The following SLC14A2 variants were observed in gnomAD, a reference collection of about 807,000 sequenced individuals.
SLC14A2 encodes the protein urea transporter 2.
SLC14A2 carries 91 observed loss-of-function variants against 104.6 expected under a neutral mutation model. The observed-to-expected ratio is 0.87, with a 90% CI of 0.73 to 1.04. The LOEUF (loss-of-function observed/expected upper bound fraction) is 1.04. Among genes scored for constraint, SLC14A2 ranks in the 50% least tolerant of loss-of-function variants. The pLI is 0.00. For missense variants in SLC14A2, 1,189 were observed against 1,156.0 expected (o/e 1.03, Z -0.41); for synonymous variants, 476 against 466.4 (o/e 1.02, Z -0.27).
At chr18:45,606,431 C>T (rs551124742) in intron 2 of SLC14A2, among the ~76,000 whole-genome samples, 50 of 152,198 alleles carry the variant, frequency 3.3e-4, no homozygotes, top group Non-Finnish European at 7.4e-5. Context: ...TCGGAAATTA[C>T]TCCTGGAACT....
intron 1 of SLC14A2, among the ~76,000 whole-genome samples, chr18:45,302,981 T>C (rs961071579): frequency 2.0e-5 from 3 of 151,998 alleles, no homozygotes; most frequent in African/African-American, 7.3e-5. Context: ...GCCAGGGTCT[T>C]AGGTTGTGGT....
intron 2 of SLC14A2, chr18:45,542,215 C>G (rs2043902748): frequency 4.6e-5 from 7 of 151,760 alleles, no homozygotes; most frequent in Admixed American, 4.6e-4. Flanking sequence ...GCTTCTAATT[C>G]TCAGAGGGCA....
At chr18:45,191,016 T>C in the SLC14A2 span, among the ~76,000 whole-genome samples, 1 of 152,178 alleles carries the variant, frequency 6.6e-6, no homozygotes, top group African/African-American at 2.4e-5. Flanking sequence ...ATATGCTTCT[T>C]GAGCTGAAGT....
At chr18:45,559,699 C>T (rs942066190) in intron 2 of SLC14A2, among the ~76,000 whole-genome samples, 2 of 152,172 alleles carry the variant, frequency 1.3e-5, no homozygotes. Flanking sequence ...TTGTTGTCAC[C>T]TTATTTTCTA....
intron 2 of SLC14A2, among the ~76,000 whole-genome samples, chr18:45,534,102 G>A (rs1269776001): frequency 2.0e-5 from 3 of 152,144 alleles, no homozygotes; most frequent in African/African-American, 4.8e-5. Context: ...TGGTAAAATC[G>A]TGATTTTGCT....
At chr18:45,310,032 C>T (rs147590096) in intron 1 of SLC14A2, among the ~76,000 whole-genome samples, 425 of 151,954 alleles carry the variant, frequency 2.8e-3, no homozygotes, top group Non-Finnish European at 4.9e-3. Context: ...CATATCGATG[C>T]GTAGGACCAT....
At chr18:45,376,474 A>C (rs1307921903) in intron 1 of SLC14A2, among the ~76,000 whole-genome samples, 1 of 152,200 alleles carries the variant, frequency 6.6e-6, no homozygotes, top group African/African-American at 2.4e-5. Flanking sequence ...GCTTGTGCTC[A>C]GATTCTGCTA....
At position 45,391,425 on chromosome 18, in the gene SLC14A2, C is replaced by A. The variant is rs1009871250; in HGVS notation, c.-124-91808C>A. The stretch of plus-strand genomic sequence containing the variant: ...CTTTAAAGCAGCATGATTTATAATC[C>A]TTTGGGTATATACCCAGTAATGGGA... On this transcript the variant is annotated intron_variant, in intron 1 of 20. Coordinates refer to the SLC14A2 transcript ENST00000586448. Among the ~76,000 whole-genome samples, 29 of 152,178 alleles carry A rather than the reference C, an allele frequency of 1.9e-4. 1 individual carries two copies. Among genetic ancestry groups the A allele is most frequent in the Non-Finnish European group, 1.0e-4 (7 of 68,040 alleles).
At chr18:45,253,351 C>A (rs931647101) in intron 1 of SLC14A2, among the ~76,000 whole-genome samples, 1 of 152,088 alleles carries the variant, frequency 6.6e-6, no homozygotes, top group African/African-American at 2.4e-5. Flanking sequence ...GGACGAAGGA[C>A]GGAATGCAGA....
intron 1 of SLC14A2, among the ~76,000 whole-genome samples, chr18:45,336,055 G>A (rs909061334): frequency 3.3e-5 from 5 of 152,136 alleles, no homozygotes; most frequent in African/African-American, 1.2e-4. Flanking sequence ...CATAAAATAG[G>A]TTTTTTAACG....
At chr18:45,461,987 G>A (rs929298805) in intron 1 of SLC14A2, among the ~76,000 whole-genome samples, 2 of 152,130 alleles carry the variant, frequency 1.3e-5, no homozygotes, top group African/African-American at 2.4e-5. Context: ...AGCAGAAAGC[G>A]TAAGAAACAA....
intron 2 of SLC14A2, among the ~76,000 whole-genome samples, chr18:45,531,398 GGTGT>G (rs2043684551): frequency 6.6e-6 from 1 of 152,162 alleles, no homozygotes; most frequent in Admixed American, 6.5e-5. Flanking sequence ...CATTCTAACT[GGTGT>G]GAGATGGTGT....
At chr18:45,502,522 GTC>G (rs1339222102) in intron 2 of SLC14A2, among the ~76,000 whole-genome samples, 1 of 152,124 alleles carries the variant, frequency 6.6e-6, no homozygotes, top group African/African-American at 2.4e-5. Context: ...GTGGACAAGG[GTC>G]ACTATATCCT....
In SLC14A2 at chr18:45,625,683, G is replaced by A. The variant is rs267605187; in HGVS notation, c.151G>A (p.Asp51Asn). The A allele has an allele frequency of 1.3e-6, 2 of 1,544,234 alleles. No homozygotes were observed. The highest frequency in any genetic ancestry group is 2.8e-5 in the African/African-American group (2 of 70,548). ...LPLLEMPEEKDLRSSNEDSHI... is the reference protein window; with the variant it reads ...LPLLEMPEEKNLRSSNEDSHI... ...ATGTCTGGTTGGTTTCTCCTAAAAG[G>A]ATCTCCGGTCTTCCAATGAAGACAG... is the stretch of plus-strand genomic sequence containing the variant. The change falls in exon 3 of 20, where the codon GAT becomes AAT. Residue 51 changes from aspartate (D) to asparagine (N), a missense_variant and splice_region_variant. Asp to Asn is a conservative substitution (Grantham distance 23). Transcript: ENST00000255226.
intron 1 of SLC14A2, among the ~76,000 whole-genome samples, chr18:45,327,849 G>A (rs1260573691): frequency 6.6e-6 from 1 of 152,116 alleles, no homozygotes; most frequent in East Asian, 1.9e-4. Context: ...GTGAGCGAAG[G>A]GAATGATAAG....
At chr18:45,209,026 TTAA>T (rs1169804618), upstream of SLC14A2, among the ~76,000 whole-genome samples, 1 of 70,012 alleles carries the variant, frequency 1.4e-5, no homozygotes, top group Non-Finnish European at 3.2e-5. Context: ...TAACAGGCAT[TTAA>T]AAAAAAAAAA....
chr18:45,663,773 G>T lies in SLC14A2; in HGVS notation c.1352-12G>T. 1 of 1,610,838 alleles carries T rather than the reference G, an allele frequency of 6.2e-7. No individual in the cohort carries two copies. Among genetic ancestry groups the T allele is most frequent in the Non-Finnish European group, 8.5e-7 (1 of 1,179,120 alleles). ...GTGGGACACTGACCTGTCTTGTTTT[G>T]CCCCTGGCTAGGAGGCGGTGGGGAG... On this transcript the variant is annotated splice_polypyrimidine_tract_variant and intron_variant, in intron 10 of 19. Transcript: ENST00000255226.
Position 45,284,250 on chromosome 18 carries a change from T to C in SLC14A2, c.-125+71059T>C, listed in dbSNP as rs73952837. Among the ~76,000 whole-genome samples the C allele has an allele frequency of 5.3e-3, 809 of 152,288 alleles. 7 individuals are homozygous for C. Among genetic ancestry groups the C allele is most frequent in the African/African-American group, 0.018 (758 of 41,556 alleles). On this transcript the variant is annotated intron_variant, in intron 1 of 20. Transcript: ENST00000586448. ...CTGCCTGCAGAACCAGTCCTTGTAT[T>C]CTCCTTACTTTGCTTTGTATGACAT...
chr18:45,286,701 C>A (rs1034406829), intron 1 of SLC14A2, among the ~76,000 whole-genome samples: 9 of 150,052 alleles, frequency 6.0e-5, no homozygotes, highest in Non-Finnish European at 1.2e-4. Flanking sequence ...CACACACTCT[C>A]TCTCACTCCC....
Sources: allele counts gnomAD v4.1 joint callset (sites outside exome capture counted in the v4.1 genomes callset), GRCh38; gene constraint gnomAD v4.1.1; transcripts MANE v1.5; gene names NCBI Gene and HGNC (gene_info 2026-07-23, HGNC 2026-07-21).